Variants in KCNQ5 observed in about 807,000 individuals in gnomAD.
The protein encoded by KCNQ5 is potassium voltage-gated channel subfamily KQT member 5.
In KCNQ5, 30 loss-of-function variants were observed where a neutral mutation model predicts 98.2. The observed-to-expected ratio is 0.31, with a 90% confidence interval of 0.23 to 0.41. KCNQ5 has a LOEUF of 0.41. KCNQ5 is among the 10% of genes least tolerant of loss of function. KCNQ5 has a pLI of 1.00. For missense variants in KCNQ5, 835 were observed against 1,182.5 expected, an observed-to-expected ratio of 0.71 and a Z score of 4.31; for synonymous variants, 458 against 449.4, an observed-to-expected ratio of 1.02 and a Z score of -0.24.
chr6:72,732,372 G>C (rs774288981), intron 1 of KCNQ5, among the ~76,000 whole-genome samples: 1 of 152,050 alleles, frequency 6.6e-6, no homozygotes, highest in African/African-American at 2.4e-5. Flanking sequence ...GCAGGGGAGG[G>C]TGTGGATGTA....
At chr6:72,769,480 C>A (rs1341176554) in intron 1 of KCNQ5, among the ~76,000 whole-genome samples, 3 of 151,860 alleles carry the variant, frequency 2.0e-5, no homozygotes, top group Admixed American at 2.0e-4. Context: ...TGTCTAAGCT[C>A]CACCCCAGAT....
intron 1 of KCNQ5, among the ~76,000 whole-genome samples, chr6:72,902,370 AGT>A (rs1324711635): frequency 6.6e-6 from 1 of 152,188 alleles, no homozygotes; most frequent in East Asian, 1.9e-4. Flanking sequence ...TAGGACTTCC[AGT>A]ACTATGTTGA....
At chr6:73,072,590 A>G (rs910722852) in intron 3 of KCNQ5, among the ~76,000 whole-genome samples, 5 of 152,212 alleles carry the variant, frequency 3.3e-5, no homozygotes, top group African/African-American at 1.2e-4. Context: ...TGACTAAATA[A>G]TACTTGAGCA....
At chr6:72,897,099 C>T (rs182178368) in intron 1 of KCNQ5, among the ~76,000 whole-genome samples, 2 of 151,666 alleles carry the variant, frequency 1.3e-5, no homozygotes, top group East Asian at 1.9e-4. Context: ...ATTTGGGTAA[C>T]GATGGGAAGA....
chr6:73,018,120 G>T (rs1453218571), intron 2 of KCNQ5, among the ~76,000 whole-genome samples: 1 of 152,128 alleles, frequency 6.6e-6, no homozygotes, highest in Non-Finnish European at 1.5e-5. Flanking sequence ...GGGCCGGGGG[G>T]CATTCCTGCC....
chr6:72,986,266 G>A (rs1220523021), intron 1 of KCNQ5: 2 of 236,226 alleles, frequency 8.5e-6, no homozygotes, highest in Non-Finnish European at 1.6e-5. Context: ...TATACACCAC[G>A]GAATACTACA....
intron 10 of KCNQ5, among the ~76,000 whole-genome samples, chr6:73,155,656 C>G (rs185388193): frequency 6.6e-6 from 1 of 152,218 alleles, no homozygotes; most frequent in East Asian, 1.9e-4. Context: ...CATTAAACAT[C>G]AATTGATGTA....
At chr6:73,084,755 A>T (rs1773913534) in intron 5 of KCNQ5, among the ~76,000 whole-genome samples, 2 of 152,186 alleles carry the variant, frequency 1.3e-5, no homozygotes, top group Admixed American at 1.3e-4. Context: ...CTCCCCACTT[A>T]TTCTGAAGAA....
intron 1 of KCNQ5, among the ~76,000 whole-genome samples, chr6:72,926,159 A>C (rs1418988679): frequency 6.6e-6 from 1 of 152,114 alleles, no homozygotes; most frequent in Admixed American, 6.6e-5. Flanking sequence ...CTTTGCCTTC[A>C]GGGGTCCACC....
chr6:72,966,655 TA>T (rs1767630947), intron 1 of KCNQ5, among the ~76,000 whole-genome samples: 3 of 152,212 alleles, frequency 2.0e-5, no homozygotes, highest in Non-Finnish European at 4.4e-5. Context: ...GACCCTCAAA[TA>T]TTTATGCTAA....
chr6:72,840,698 T>C (rs1341199332), intron 1 of KCNQ5, among the ~76,000 whole-genome samples: 2 of 152,214 alleles, frequency 1.3e-5, no homozygotes, highest in Non-Finnish European at 2.9e-5. Flanking sequence ...AGATTACAAA[T>C]GGAAACTCCT....
intron 1 of KCNQ5, among the ~76,000 whole-genome samples, chr6:72,805,283 A>G (rs1582324468): frequency 6.6e-6 from 1 of 152,194 alleles, no homozygotes; most frequent in Non-Finnish European, 1.5e-5. Flanking sequence ...TTCTTGTAGT[A>G]GTTTCATAGT....
intron 1 of KCNQ5, among the ~76,000 whole-genome samples, chr6:72,840,843 G>A (rs554846962): frequency 2.0e-5 from 3 of 152,284 alleles, no homozygotes; most frequent in African/African-American, 4.8e-5. Context: ...GATAATGTAT[G>A]CATATTATGG....
intron 1 of KCNQ5, among the ~76,000 whole-genome samples, chr6:72,941,353 CTTCT>C (rs1432098251): frequency 1.2e-4 from 5 of 41,058 alleles, no homozygotes; most frequent in African/African-American, 1.9e-4. Flanking sequence ...TTCTTCCTTC[CTTCT>C]TTTCTTCCTT....
At chr6:72,857,784 G>A (rs779500572) in intron 1 of KCNQ5, among the ~76,000 whole-genome samples, 13 of 152,112 alleles carry the variant, frequency 8.5e-5, no homozygotes, top group African/African-American at 3.1e-4. Flanking sequence ...AGCTCAATAC[G>A]TATGCAAGAG....
At chr6:72,638,811 T>C (rs2098925637) in intron 1 of KCNQ5, among the ~76,000 whole-genome samples, 1 of 152,124 alleles carries the variant, frequency 6.6e-6, no homozygotes, top group African/African-American at 2.4e-5. Flanking sequence ...ACAGTAAGCA[T>C]CTGGTAGTGG....
chr6:72,661,642 A>G (rs1766530992), intron 1 of KCNQ5, among the ~76,000 whole-genome samples: 1 of 152,148 alleles, frequency 6.6e-6, no homozygotes, highest in Non-Finnish European at 1.5e-5. Context: ...CACACACCCA[A>G]TATGTATCAC....
intron 2 of KCNQ5, among the ~76,000 whole-genome samples, chr6:73,039,967 C>A (rs1347765254): frequency 6.6e-6 from 1 of 152,000 alleles, no homozygotes; most frequent in Non-Finnish European, 1.5e-5. Context: ...TTCCTTTCAG[C>A]CCTATTGGTT....
intron 1 of KCNQ5, among the ~76,000 whole-genome samples, chr6:72,983,113 T>A (rs891845485): frequency 6.6e-6 from 1 of 152,218 alleles, no homozygotes; most frequent in African/African-American, 2.4e-5. Context: ...ATTTTTTCCT[T>A]CATTTCAACC....
Sources: allele counts gnomAD v4.1 joint callset (sites outside exome capture counted in the v4.1 genomes callset), GRCh38; gene constraint gnomAD v4.1.1; transcripts MANE v1.5; gene names NCBI Gene and HGNC (gene_info 2026-07-23, HGNC 2026-07-21).